Variants in NRXN3 observed in about 807,000 individuals in gnomAD.
The protein encoded by NRXN3 is neurexin III.
Under a neutral mutation model 137.6 loss-of-function variants are expected in NRXN3, and 32 were observed. The observed-to-expected ratio is 0.23, with a 90% confidence interval of 0.18 to 0.31. NRXN3 has a LOEUF of 0.31. Ranked by LOEUF, NRXN3 falls within the 10% of genes least tolerant of loss-of-function variation. The pLI is 1.00. For synonymous variants in NRXN3, 798 were observed against 784.5 expected (o/e 1.02, Z -0.29); for missense variants, 1,574 against 2,062.5 (o/e 0.76, Z 4.59).
intron 6 of NRXN3, among the ~76,000 whole-genome samples, chr14:78,672,578 G>A (rs143674585): frequency 0.011 from 1,691 of 152,264 alleles, 14 homozygotes; most frequent in South Asian, 0.027. Flanking sequence ...ACCTATAGAG[G>A]ACTAGGAGAG....
At chr14:78,736,795 G>A (rs2098542938) in intron 8 of NRXN3, among the ~76,000 whole-genome samples, 1 of 152,066 alleles carries the variant, frequency 6.6e-6, no homozygotes, top group South Asian at 2.1e-4. Flanking sequence ...TAAAAAATAA[G>A]CAGAATACAG....
intron 4 of NRXN3, among the ~76,000 whole-genome samples, chr14:78,522,620 G>T: frequency 6.6e-6 from 1 of 152,142 alleles, no homozygotes; most frequent in Admixed American, 6.5e-5. Context: ...TAATGATGGG[G>T]TGGAACTTCC....
Position 78,591,884 on chromosome 14 carries a change from T to A in NRXN3, c.758-53236T>A, listed in dbSNP as rs2097120965. Among the ~76,000 whole-genome samples the A allele has an allele frequency of 3.9e-5, 6 of 152,342 alleles. No individual in the cohort carries two copies. The South Asian group carries it at 1.2e-3, about 32-fold the overall frequency. On this transcript the variant is annotated intron_variant, in intron 4 of 20. Transcript: ENST00000335750. ...TAGCTTCCCCTCTTCCCCTGTGGAA[T>A]GTTTAGATTCATACTTTTAACCTGT... is the stretch of plus-strand genomic sequence containing the variant.
chr14:79,109,497 G>T (rs1398624570), intron 15 of NRXN3, among the ~76,000 whole-genome samples: 2 of 152,142 alleles, frequency 1.3e-5, no homozygotes, highest in Non-Finnish European at 2.9e-5. Flanking sequence ...GACAATATTG[G>T]TGAACCTTCC....
intron 3 of NRXN3, among the ~76,000 whole-genome samples, chr14:78,289,416 G>A (rs2075551050): frequency 6.6e-6 from 1 of 152,084 alleles, no homozygotes; most frequent in African/African-American, 2.4e-5. Flanking sequence ...CCAATATGTT[G>A]CTTGGTGTCT....
At chr14:79,684,472 G>T (rs185156104) in intron 17 of NRXN3, among the ~76,000 whole-genome samples, 2 of 152,250 alleles carry the variant, frequency 1.3e-5, no homozygotes, top group African/African-American at 2.4e-5. Flanking sequence ...TAGGCAAGGG[G>T]GTTCAAGGAT....
intron 15 of NRXN3, among the ~76,000 whole-genome samples, chr14:79,142,588 A>G (rs535829078): frequency 6.6e-6 from 1 of 152,308 alleles, no homozygotes; most frequent in African/African-American, 2.4e-5. Context: ...GTGAAGTGGC[A>G]TGCATGCCAG....
intron 15 of NRXN3, among the ~76,000 whole-genome samples, chr14:79,012,223 A>G (rs2099572434): frequency 6.6e-6 from 1 of 152,188 alleles, no homozygotes; most frequent in African/African-American, 2.4e-5. Context: ...AAAGATTAAG[A>G]GATGGCTGAA....
At chr14:79,059,893 C>T (rs533196277) in intron 15 of NRXN3, among the ~76,000 whole-genome samples, 3 of 152,312 alleles carry the variant, frequency 2.0e-5, no homozygotes, top group Admixed American at 2.0e-4. Flanking sequence ...TCGAATCAGA[C>T]AGCACTTCTG....
intron 10 of NRXN3, among the ~76,000 whole-genome samples, chr14:78,895,710 T>C (rs2099171545): frequency 6.6e-6 from 1 of 151,938 alleles, no homozygotes; most frequent in African/African-American, 2.4e-5. Context: ...TAGCTTTTGA[T>C]TTGAAGTTAG....
chr14:79,543,903 A>C (rs2097296162), intron 16 of NRXN3, among the ~76,000 whole-genome samples: 1 of 152,136 alleles, frequency 6.6e-6, no homozygotes, highest in Admixed American at 6.6e-5. Flanking sequence ...GCATCTAATT[A>C]ATGCCCTTAG....
At chr14:78,918,364 T>C (rs2099262346) in intron 10 of NRXN3, among the ~76,000 whole-genome samples, 2 of 149,458 alleles carry the variant, frequency 1.3e-5, no homozygotes, top group South Asian at 4.2e-4. Flanking sequence ...AAAAGCTAAA[T>C]TCTGGTCATT....
Position 79,861,208 on chromosome 14 carries a change from GT to G in NRXN3, c.4094-133del. On this transcript the variant is annotated intron_variant, in intron 20 of 20. Transcript: ENST00000335750. The surrounding 1 kb of genome is among the most constrained non-coding windows in gnomAD (Gnocchi z 5.4). ...CCTCTGAGGCGGGGTTACCTTGCTT[GT>G]CGGACCAAGGCAGCGATGGTTGTGA... 1 of 1,533,866 alleles carries G rather than the reference GT, an allele frequency of 6.5e-7. No homozygotes were observed. The highest frequency in any genetic ancestry group is 8.7e-7 in the Non-Finnish European group (1 of 1,145,718).
At chr14:79,682,628 ACT>A (rs141115232) in intron 17 of NRXN3, among the ~76,000 whole-genome samples, 76 of 152,190 alleles carry the variant, frequency 5.0e-4, no homozygotes, top group African/African-American at 1.8e-3. Flanking sequence ...CAAGATCGAT[ACT>A]CTCTGATGCT....
At chr14:79,001,816 T>A (rs1449853683) in intron 15 of NRXN3, among the ~76,000 whole-genome samples, 1 of 152,164 alleles carries the variant, frequency 6.6e-6, no homozygotes, top group Non-Finnish European at 1.5e-5. Context: ...GTGATCTTAC[T>A]ATGGAAGTCT....
At chr14:79,191,718 T>G (rs1188753862) in intron 15 of NRXN3, among the ~76,000 whole-genome samples, 8 of 152,206 alleles carry the variant, frequency 5.3e-5, no homozygotes, top group African/African-American at 1.9e-4. Context: ...AACGACTTAC[T>G]AAGACTTGAA....
intron 8 of NRXN3, among the ~76,000 whole-genome samples, chr14:78,784,373 A>C (rs572433361): frequency 3.5e-4 from 53 of 152,334 alleles, no homozygotes; most frequent in Admixed American, 2.0e-3. Context: ...CTGGGCTGTA[A>C]TGGACAAGGA....
chr14:78,342,841 T>G (rs72697829), intron 4 of NRXN3, among the ~76,000 whole-genome samples: 1 of 152,216 alleles, frequency 6.6e-6, no homozygotes, highest in South Asian at 2.1e-4. Flanking sequence ...TCACTGAGCC[T>G]GTTTGCTCAT....
At position 79,548,826 on chromosome 14, in the gene NRXN3, G is replaced by C. The variant is rs146222822; in HGVS notation, c.3444+81424G>C. The stretch of plus-strand genomic sequence containing the variant: ...TGCTGCCCAAGCAAAGAAACAAAGA[G>C]ATGTCTACTAAAGGCAAAAATGCCA... On this transcript the variant is annotated intron_variant, in intron 16 of 20. Coordinates refer to ENST00000335750, the MANE Select transcript of NRXN3 (RefSeq NM_001330195.2). Among the ~76,000 whole-genome samples, 465 of 151,520 alleles carry C rather than the reference G, an allele frequency of 3.1e-3. 3 individuals are homozygous for C. Among genetic ancestry groups the C allele is most frequent in the African/African-American group, 0.011 (442 of 41,298 alleles).
Sources: gnomAD v4.1 joint callset for allele counts (sites outside exome capture counted in the v4.1 genomes callset) on GRCh38, gnomAD v4.1.1 for gene constraint, Gnocchi (gnomAD v3.1) non-coding constraint, MANE v1.5 for transcripts, NCBI Gene and HGNC (gene_info 2026-07-23, HGNC 2026-07-21) for gene names.